Variants in CDK8 observed in about 807,000 individuals in gnomAD.
The protein encoded by CDK8 is cyclin-dependent kinase 8.
A neutral mutation model predicts 71.5 loss-of-function variants in CDK8; 29 were observed. The observed-to-expected ratio is 0.41, with a 90% CI of 0.30 to 0.55. The LOEUF (loss-of-function observed/expected upper bound fraction) is 0.55. Among genes scored for constraint, CDK8 ranks in the 20% least tolerant of loss-of-function variants. The pLI is 0.37. For missense variants in CDK8, 288 were observed against 572.6 expected (o/e 0.50, Z 5.07); for synonymous variants, 161 against 192.1 (o/e 0.84, Z 1.34).
chr13:26,369,991 A>G lies in CDK8; in HGVS notation c.457-12823A>G, dbSNP rs535641081. ...CCACAACTGGCCCTAGAAAAGGTCA[A>G]TAAGTAGATCAATAACTATGGAAGA... On this transcript the variant is annotated intron_variant, in intron 4 of 12. Coordinates refer to ENST00000381527, the MANE Select transcript of CDK8 (RefSeq NM_001260.3). Among the ~76,000 whole-genome samples, 6 of 152,346 alleles carry G rather than the reference A, an allele frequency of 3.9e-5. No homozygotes were observed. The South Asian group carries it at 1.2e-3, about 32-fold the overall frequency.
intron 4 of CDK8, among the ~76,000 whole-genome samples, chr13:26,362,260 A>C (rs1388963785): frequency 6.6e-6 from 1 of 151,786 alleles, no homozygotes; most frequent in African/African-American, 2.4e-5. Flanking sequence ...GGATGGATGG[A>C]TGGATGGATA....
At chr13:26,325,538 G>T (rs1259570788) in intron 1 of CDK8, among the ~76,000 whole-genome samples, 1 of 152,180 alleles carries the variant, frequency 6.6e-6, no homozygotes, top group African/African-American at 2.4e-5. Flanking sequence ...GAAGTATGAG[G>T]TATCTCGGTA....
chr13:26,353,770 G>A lies in CDK8; in HGVS notation c.346G>A (p.Ala116Thr). The change falls in exon 4 of 13, where the codon GCA becomes ACA. Residue 116 changes from alanine (A) to threonine (T), a missense_variant. Ala to Thr is a moderately conservative substitution (Grantham distance 58). Around this residue, in one of 6 missense-constraint regions of CDK8, gnomAD observed 95 missense variants for 177.3 expected, o/e 0.54. Transcript: ENST00000381527. ...HIIKFHRASK[A>T]NKKPVQLPRG... is the part of the protein sequence containing the mutation. ...AATCAAGTTTCACAGAGCTTCTAAA[G>A]CAAACAAGAAGCCAGTTCAGTTACC... 6.2e-7 allele frequency: 1 copy of A among 1,612,798 alleles called. No homozygotes were observed. The highest frequency in any genetic ancestry group is 8.5e-7 in the Non-Finnish European group (1 of 1,179,268).
intron 1 of CDK8, among the ~76,000 whole-genome samples, chr13:26,287,695 C>G (rs1037893187): frequency 6.6e-6 from 1 of 151,890 alleles, no homozygotes; most frequent in Admixed American, 6.6e-5. Flanking sequence ...AACCACACAC[C>G]GCCTGTTCCC....
intron 1 of CDK8, among the ~76,000 whole-genome samples, chr13:26,273,856 A>G (rs1872446336): frequency 6.6e-6 from 1 of 152,118 alleles, no homozygotes; most frequent in South Asian, 2.1e-4. Flanking sequence ...AGAAAATAAA[A>G]TTTACCCTAA....
chr13:26,313,590 G>A (rs1015453125), intron 1 of CDK8, among the ~76,000 whole-genome samples: 2 of 152,174 alleles, frequency 1.3e-5, no homozygotes, highest in Admixed American at 1.3e-4. Context: ...AGGGAATTTG[G>A]TATGTAGCCA....
intron 1 of CDK8, among the ~76,000 whole-genome samples, chr13:26,321,765 C>G (rs1410624331): frequency 6.6e-6 from 1 of 151,864 alleles, no homozygotes; most frequent in East Asian, 1.9e-4. Context: ...ACATGTATAT[C>G]TTTATGTAGC....
At chr13:26,276,417 T>C (rs1359475776) in intron 1 of CDK8, among the ~76,000 whole-genome samples, 1 of 152,216 alleles carries the variant, frequency 6.6e-6, no homozygotes, top group African/African-American at 2.4e-5. Flanking sequence ...GCTTGAGCAG[T>C]TCATTCAGTC....
At chr13:26,335,531 A>G (rs985389223) in intron 1 of CDK8, among the ~76,000 whole-genome samples, 7 of 152,004 alleles carry the variant, frequency 4.6e-5, no homozygotes, top group Non-Finnish European at 7.4e-5. Flanking sequence ...AGCTATGCCC[A>G]CTTAGATGTC....
At chr13:26,339,319 T>G (rs1225734684) in intron 2 of CDK8, among the ~76,000 whole-genome samples, 1 of 152,056 alleles carries the variant, frequency 6.6e-6, no homozygotes, top group Non-Finnish European at 1.5e-5. Flanking sequence ...GAATTCCCCC[T>G]CCCATGTGAA....
At chr13:26,294,076 T>C (rs1008480442) in intron 1 of CDK8, among the ~76,000 whole-genome samples, 5 of 152,158 alleles carry the variant, frequency 3.3e-5, no homozygotes, top group South Asian at 2.1e-4. Context: ...GTTTCATCCA[T>C]GTTGTTGCAA....
At chr13:26,302,309 G>A (rs573092581) in intron 1 of CDK8, among the ~76,000 whole-genome samples, 25 of 152,252 alleles carry the variant, frequency 1.6e-4, no homozygotes, top group Middle Eastern at 6.8e-3. Flanking sequence ...TCTAAAACTC[G>A]TTGGTTTCTT....
At chr13:26,390,788 T>C (rs1488640704) in intron 6 of CDK8, among the ~76,000 whole-genome samples, 4 of 152,232 alleles carry the variant, frequency 2.6e-5, no homozygotes, top group African/African-American at 9.6e-5. Context: ...TCAAATATTA[T>C]TGAGCAAAGT....
intron 4 of CDK8, among the ~76,000 whole-genome samples, chr13:26,359,167 G>T (rs1874023991): frequency 6.6e-6 from 1 of 152,194 alleles, no homozygotes. Context: ...TGAGGTACCT[G>T]AGTAGTCAGA....
chr13:26,299,424 G>C (rs1328211688), intron 1 of CDK8, among the ~76,000 whole-genome samples: 1 of 152,150 alleles, frequency 6.6e-6, no homozygotes, highest in Non-Finnish European at 1.5e-5. Context: ...ATAGCCTAGT[G>C]CTCCTAGGCT....
chr13:26,270,412 A>G (rs925276755), intron 1 of CDK8, among the ~76,000 whole-genome samples: 4 of 151,688 alleles, frequency 2.6e-5, no homozygotes, highest in African/African-American at 9.7e-5. Context: ...AAATACACAC[A>G]CACACACATA....
At chr13:26,309,468 GA>G (rs1874187905) in intron 1 of CDK8, among the ~76,000 whole-genome samples, 1 of 152,004 alleles carries the variant, frequency 6.6e-6, no homozygotes, top group African/African-American at 2.4e-5. Flanking sequence ...ATTTTCTCCT[GA>G]AATATTTTCT....
rs529227329 is a variant in CDK8, at chr13:26,401,554, C to T, written c.1199C>T (p.Pro400Leu). The change falls in exon 12 of 13, where the codon CCG (proline) becomes CTG (leucine). Residue 400 changes from proline (P) to leucine (L), a missense_variant. Physicochemically the swap from Pro to Leu is moderately conservative, Grantham distance 98. Coordinates refer to ENST00000381527, the MANE Select transcript of CDK8 (RefSeq NM_001260.3). This position sits in a 1 kb window ranked among gnomAD's most constrained non-coding sequence, Gnocchi z 4.5. ...GACAGCAGTCACACACAGGGACCCC[C>T]GTTGAAGAAAGTGAGAGTTGTTCCT... ...NQDSSHTQGPPLKKVRVVPPT... is the reference protein window; with the variant it reads ...NQDSSHTQGPLLKKVRVVPPT... 13 of 1,614,156 alleles carry T rather than the reference C, an allele frequency of 8.1e-6. No homozygotes were observed. The highest frequency in any genetic ancestry group is 6.7e-5 in the East Asian group (3 of 44,870).
intron 1 of CDK8, among the ~76,000 whole-genome samples, chr13:26,256,230 A>T (rs1871517686): frequency 6.6e-6 from 1 of 152,162 alleles, no homozygotes; most frequent in African/African-American, 2.4e-5. Flanking sequence ...GCGTCTGGAG[A>T]TATTGCTGAC....
Sources: gnomAD v4.1 joint callset for allele counts (sites outside exome capture counted in the v4.1 genomes callset) on GRCh38, gnomAD v4.1.1 for gene constraint, gnomAD v4.1.1 regional missense constraint, Gnocchi (gnomAD v3.1) non-coding constraint, MANE v1.5 for transcripts, NCBI Gene and HGNC (gene_info 2026-07-23, HGNC 2026-07-21) for gene names.